Variants in GLDN observed in about 807,000 individuals in gnomAD.
The protein encoded by GLDN is gliomedin.
GLDN carries 47 observed loss-of-function variants against 56.5 expected under a neutral mutation model. The observed-to-expected ratio is 0.83, with a 90% CI of 0.66 to 1.06. The LOEUF is 1.06. Ranked by LOEUF, GLDN falls within the 50% of genes least tolerant of loss-of-function variation. The probability of loss-of-function intolerance (pLI) is 0.00; values close to 1 mark genes in which losing one functional copy is unlikely to be tolerated. For missense variants in GLDN, 782 were observed against 714.3 expected, an observed-to-expected ratio of 1.09 and a Z score of -1.08; for synonymous variants, 332 against 278.8, an observed-to-expected ratio of 1.19 and a Z score of -1.90.
intron 1 of GLDN, among the ~76,000 whole-genome samples, chr15:51,362,255 C>T (rs189355641): frequency 8.5e-5 from 13 of 152,102 alleles, no homozygotes; most frequent in East Asian, 1.9e-4. Flanking sequence ...GAGTAGAAGG[C>T]GGGCGGATCA....
At chr15:51,399,189 C>T (rs368463177) in intron 6 of GLDN, among the ~76,000 whole-genome samples, 77 of 152,284 alleles carry the variant, frequency 5.1e-4, no homozygotes, top group Non-Finnish European at 8.1e-4. Context: ...CGACACCACT[C>T]TCATCAGGTG....
chr15:51,353,414 T>C (rs1393148889), intron 1 of GLDN, among the ~76,000 whole-genome samples: 5 of 152,206 alleles, frequency 3.3e-5, no homozygotes, highest in African/African-American at 1.2e-4. Context: ...GCAGGCAAGA[T>C]GAACCTGTTG....
At chr15:51,353,731 A>G (rs890142463) in intron 1 of GLDN, among the ~76,000 whole-genome samples, 1 of 145,224 alleles carries the variant, frequency 6.9e-6, no homozygotes, top group Non-Finnish European at 1.5e-5. Context: ...AAAAAAAAAA[A>G]AAACCACAGT....
At chr15:51,390,586 G>A (rs1400546660) in intron 4 of GLDN, among the ~76,000 whole-genome samples, 1 of 152,080 alleles carries the variant, frequency 6.6e-6, no homozygotes, top group Admixed American at 6.6e-5. Context: ...CCGTATTTGT[G>A]TCTCAGGACT....
chr15:51,398,131 T>A (rs1391901813), intron 6 of GLDN, among the ~76,000 whole-genome samples: 1 of 152,232 alleles, frequency 6.6e-6, no homozygotes, highest in African/African-American at 2.4e-5. Flanking sequence ...CCCAAAGAGC[T>A]AAGGAACTTG....
intron 1 of GLDN, among the ~76,000 whole-genome samples, chr15:51,370,132 A>T (rs2037485851): frequency 6.6e-6 from 1 of 152,208 alleles, no homozygotes; most frequent in Non-Finnish European, 1.5e-5. Context: ...AGAATAAAAA[A>T]GAAAGTAGAT....
intron 1 of GLDN, among the ~76,000 whole-genome samples, chr15:51,343,818 G>A (rs2036929730): frequency 6.6e-6 from 1 of 152,182 alleles, no homozygotes; most frequent in Non-Finnish European, 1.5e-5. Context: ...TCAGCTGGAA[G>A]CATATTACAG....
chr15:51,344,210 GA>G (rs2036937185), intron 1 of GLDN, among the ~76,000 whole-genome samples: 1 of 152,138 alleles, frequency 6.6e-6, no homozygotes, highest in African/African-American at 2.4e-5. Flanking sequence ...CATCCCCAGA[GA>G]TTCTGAATTA....
chr15:51,398,168 C>T (rs957495227), intron 6 of GLDN, among the ~76,000 whole-genome samples: 5 of 152,238 alleles, frequency 3.3e-5, no homozygotes, highest in South Asian at 2.1e-4. Flanking sequence ...GAGTAAGTGG[C>T]GGAGCTACGA....
intron 4 of GLDN, among the ~76,000 whole-genome samples, chr15:51,388,553 C>T (rs2037949244): frequency 6.6e-6 from 1 of 152,204 alleles, no homozygotes; most frequent in Non-Finnish European, 1.5e-5. Context: ...GAGAGCTTGG[C>T]CATGTCTGTC....
downstream of GLDN, among the ~76,000 whole-genome samples, chr15:51,411,868 A>T (rs938823418): frequency 1.3e-5 from 2 of 152,228 alleles, no homozygotes; most frequent in African/African-American, 4.8e-5. Context: ...TGGGATAATC[A>T]TGCTACCTCA....
In GLDN at chr15:51,341,693, A is replaced by C. The variant is rs978086273; in HGVS notation, c.9A>C (p.Arg3=). 7.0e-7 allele frequency: 1 copy of C among 1,419,790 alleles called. No homozygotes were observed. Among genetic ancestry groups the C allele is most frequent in the Non-Finnish European group, 9.1e-7 (1 of 1,101,630 alleles). 87.9% of individuals were successfully genotyped at this position (1,419,790 alleles called of 1,614,324 possible). MA[R]GAEGGRGDAG... Reference sequence around the variant, plus strand: ...CCCAAGGCGCATAGAGCATGGCCCGAGGCGCTGAGGGAGGCCGTGGGGACG... The same window carrying C: ...CCCAAGGCGCATAGAGCATGGCCCGCGGCGCTGAGGGAGGCCGTGGGGACG... The change falls in exon 1 of 10, where the codon CGA becomes CGC. Residue 3 remains arginine, a synonymous_variant. Coordinates refer to ENST00000335449, the MANE Select transcript of GLDN (RefSeq NM_181789.4).
chr15:51,403,154 T>C (rs1394259582), intron 9 of GLDN, among the ~76,000 whole-genome samples: 1 of 152,188 alleles, frequency 6.6e-6, no homozygotes, highest in South Asian at 2.1e-4. Context: ...TACTGCTCTA[T>C]GCCGCGCCAC....
At chr15:51,365,598 C>T (rs1902587) in intron 1 of GLDN, among the ~76,000 whole-genome samples, 17,632 of 152,048 alleles carry the variant, frequency 0.12, 1,912 homozygotes, top group African/African-American at 0.28. Flanking sequence ...ACATCCTGTG[C>T]AAGGTCACAC....
At chr15:51,366,002 A>G (rs914094641) in intron 1 of GLDN, among the ~76,000 whole-genome samples, 1 of 152,264 alleles carries the variant, frequency 6.6e-6, no homozygotes, top group Non-Finnish European at 1.5e-5. Context: ...GCAATTCGCT[A>G]CCAAACAACT....
chr15:51,354,858 G>A (rs1166699729), intron 1 of GLDN, among the ~76,000 whole-genome samples: 1 of 152,208 alleles, frequency 6.6e-6, no homozygotes, highest in Admixed American at 6.5e-5. Flanking sequence ...TGCAATGCAG[G>A]AAAGACTGGA....
intron 1 of GLDN, among the ~76,000 whole-genome samples, chr15:51,345,878 G>T (rs2036969325): frequency 6.6e-6 from 1 of 152,182 alleles, no homozygotes; most frequent in South Asian, 2.1e-4. Flanking sequence ...ACAGAATTCA[G>T]TGGGAAACAA....
At position 51,404,473 on chromosome 15, in the gene GLDN, G is replaced by C; in HGVS notation, c.1375G>C (p.Val459Leu). The part of the protein sequence containing the change: ...VAQLDERTFS[V>L]VQHVNTTYPK... ...ACAACTGGATGAGAGGACATTCTCAGTGGTGCAACACGTCAATACCACGTA... is the reference window on the plus strand; with the variant it reads ...ACAACTGGATGAGAGGACATTCTCACTGGTGCAACACGTCAATACCACGTA... The change falls in exon 10 of 10, where the codon GTG becomes CTG. Residue 459 changes from valine (V) to leucine (L), a missense_variant. By Grantham distance (32) the Val-to-Leu change is conservative (BLOSUM62 1). Coordinates refer to ENST00000335449, the MANE Select transcript of GLDN (RefSeq NM_181789.4). The C allele has an allele frequency of 6.2e-7, 1 of 1,614,202 alleles. No individual in the cohort carries two copies. Among genetic ancestry groups the C allele is most frequent in the Admixed American group, 1.7e-5 (1 of 60,024 alleles).
At chr15:51,354,770 G>A (rs956972975) in intron 1 of GLDN, among the ~76,000 whole-genome samples, 1 of 152,178 alleles carries the variant, frequency 6.6e-6, no homozygotes, top group Non-Finnish European at 1.5e-5. Context: ...ACCTAATGAG[G>A]AATTGGGAGC....
Sources: gnomAD v4.1 joint callset for allele counts (sites outside exome capture counted in the v4.1 genomes callset) on GRCh38, gnomAD v4.1.1 for gene constraint, MANE v1.5 for transcripts, NCBI Gene and HGNC (gene_info 2026-07-23, HGNC 2026-07-21) for gene names.